KIF26B: variants seen among roughly 807,000 people sequenced by gnomAD.
KIF26B encodes the protein kinesin-like protein KIF26B.
Under a neutral mutation model 151.2 loss-of-function variants are expected in KIF26B, and 63 were observed. The ratio of observed to expected loss-of-function variants is 0.42; its 90% confidence interval spans 0.34 to 0.51. The LOEUF (loss-of-function observed/expected upper bound fraction) is 0.51, where lower values mean the gene tolerates loss of function less well. Among genes scored for constraint, KIF26B ranks in the 20% least tolerant of loss-of-function variants. KIF26B has a pLI of 0.07. For synonymous variants in KIF26B, 1,357 were observed against 1,262.1 expected (o/e 1.08, Z -1.59); for missense variants, 2,813 against 2,913.6 (o/e 0.97, Z 0.79).
chr1:245,345,935 C>CTT (rs773751148), intron 2 of KIF26B, among the ~76,000 whole-genome samples: 116 of 123,700 alleles, frequency 9.4e-4, no homozygotes, highest in African/African-American at 4.2e-3. Flanking sequence ...TTCTTTCTTT[C>CTT]TTTTTTTTTT....
Position 245,184,050 on chromosome 1 carries a change from G to GTTTTTTTTTTTTTTTTTTTTT in KIF26B, c.465+27386_465+27387insTTTTTTTTTTTTTTTTTTTTT, listed in dbSNP as rs758993117. On this transcript the variant is annotated intron_variant, in intron 2 of 14. Transcript: ENST00000407071. ...GCAACAGGTATGGGTGGGAGTTGTT[G>GTTTTTTTTTTTTTTTTTTTTT]TTTTTTTTTTTTTTTTTTTGAGCTT... Among the ~76,000 whole-genome samples the GTTTTTTTTTTTTTTTTTTTTT allele has an allele frequency of 7.2e-3, 143 of 19,780 alleles. 29 individuals are homozygous for GTTTTTTTTTTTTTTTTTTTTT. Among genetic ancestry groups the GTTTTTTTTTTTTTTTTTTTTT allele is most frequent in the East Asian group, 0.016 (9 of 578 alleles). 13.0% of individuals were successfully genotyped at this position (19,780 alleles called of 152,430 possible).
intron 10 of KIF26B, among the ~76,000 whole-genome samples, chr1:245,654,757 C>T (rs2044055661): frequency 6.6e-6 from 1 of 152,198 alleles, no homozygotes; most frequent in Non-Finnish European, 1.5e-5. Flanking sequence ...AGACAGCTTC[C>T]ATCTCCCGCC....
chr1:245,568,184 C>CAAAAAAAAAAAA (rs61494632), intron 5 of KIF26B, among the ~76,000 whole-genome samples: 1 of 28,674 alleles, frequency 3.5e-5, no homozygotes, highest in African/African-American at 1.3e-4. Flanking sequence ...AACTCCATCT[C>CAAAAAAAAAAAA]AAAAAAAAAA....
At chr1:245,653,902 A>T (rs2044046467) in intron 10 of KIF26B, among the ~76,000 whole-genome samples, 1 of 152,144 alleles carries the variant, frequency 6.6e-6, no homozygotes, top group South Asian at 2.1e-4. Flanking sequence ...TCCACAAAAA[A>T]AAATTAAAAC....
At position 245,612,012 on chromosome 1, in the gene KIF26B, G is replaced by A. The variant is rs190771092; in HGVS notation, c.2098+36G>A. 42 of 1,599,188 alleles carry A rather than the reference G, an allele frequency of 2.6e-5. No individual in the cohort carries two copies. The African/African-American group carries it at 3.6e-4, about 14-fold the overall frequency. The stretch of plus-strand genomic sequence containing the variant: ...CACTCCACCCTCCTGCCTCCTTAGC[G>A]GCTCTGGCCCCAGCCAGAAATCCCT... On this transcript the variant is annotated intron_variant, in intron 9 of 14. Coordinates refer to ENST00000407071, the MANE Select transcript of KIF26B (RefSeq NM_018012.4).
chr1:245,518,252 T>C (rs1010729892), intron 4 of KIF26B, among the ~76,000 whole-genome samples: 8 of 152,138 alleles, frequency 5.3e-5, no homozygotes, highest in Non-Finnish European at 8.8e-5. Flanking sequence ...TGATTAGTAA[T>C]AGATCACCTT....
At chr1:245,442,227 T>C (rs569447824) in intron 4 of KIF26B, among the ~76,000 whole-genome samples, 24 of 152,150 alleles carry the variant, frequency 1.6e-4, no homozygotes, top group Non-Finnish European at 2.4e-4. Flanking sequence ...TGGTAGCCTT[T>C]TTTCTGTTAC....
chr1:245,587,160 G>A (rs925044820), intron 5 of KIF26B, among the ~76,000 whole-genome samples: 12 of 152,206 alleles, frequency 7.9e-5, no homozygotes, highest in South Asian at 2.1e-4. Context: ...CACCTAGAGC[G>A]CACAGCTGAC....
At chr1:245,434,165 A>G (rs749934341) in intron 4 of KIF26B, among the ~76,000 whole-genome samples, 19 of 152,206 alleles carry the variant, frequency 1.2e-4, no homozygotes, top group Non-Finnish European at 2.4e-4. Flanking sequence ...AAAACAGAAT[A>G]TTTTGTAACA....
chr1:245,519,173 C>A (rs915472468), intron 4 of KIF26B, among the ~76,000 whole-genome samples: 3 of 152,036 alleles, frequency 2.0e-5, no homozygotes, highest in Admixed American at 6.6e-5. Context: ...AGAATATTTA[C>A]TATATTTAGT....
chr1:245,499,513 C>T (rs764469405), intron 4 of KIF26B, among the ~76,000 whole-genome samples: 5 of 152,122 alleles, frequency 3.3e-5, no homozygotes, highest in East Asian at 1.9e-4. Flanking sequence ...TTCCGGGACA[C>T]GTAAACTTGG....
At chr1:245,220,774 G>T (rs536183366) in intron 2 of KIF26B, among the ~76,000 whole-genome samples, 1 of 152,298 alleles carries the variant, frequency 6.6e-6, no homozygotes, top group African/African-American at 2.4e-5. Context: ...AATTCCAAGA[G>T]GATGGGGTGT....
chr1:245,684,464 C>A, intron 11 of KIF26B, 69 bp downstream of exon 11: 1 of 1,441,008 alleles, frequency 6.9e-7, no homozygotes, highest in South Asian at 1.4e-5. Context: ...GGAACAGAGT[C>A]AGAAAAAGCC....
intron 5 of KIF26B, among the ~76,000 whole-genome samples, chr1:245,556,203 C>A (rs1662020624): frequency 6.6e-6 from 1 of 152,054 alleles, no homozygotes; most frequent in East Asian, 1.9e-4. Flanking sequence ...GCACATCAAT[C>A]TCTTCTTCTT....
intron 2 of KIF26B, among the ~76,000 whole-genome samples, chr1:245,168,800 G>C (rs186581460): frequency 6.6e-6 from 1 of 152,100 alleles, no homozygotes; most frequent in Admixed American, 6.5e-5. Context: ...TTAATGCCCC[G>C]TAGTGTTTGA....
chr1:245,448,673 G>A (rs1338006613), intron 4 of KIF26B, among the ~76,000 whole-genome samples: 2 of 152,130 alleles, frequency 1.3e-5, no homozygotes, highest in Non-Finnish European at 2.9e-5. Context: ...CTTTCCACAT[G>A]GTGTGTTCTG....
At chr1:245,467,844 G>A (rs1165537308) in intron 4 of KIF26B, among the ~76,000 whole-genome samples, 1 of 151,852 alleles carries the variant, frequency 6.6e-6, no homozygotes, top group Admixed American at 6.6e-5. Context: ...GCAGTGAGCT[G>A]AGATCTTGCC....
chr1:245,179,504 G>A (rs1573691367), intron 2 of KIF26B, among the ~76,000 whole-genome samples: 1 of 152,034 alleles, frequency 6.6e-6, no homozygotes, highest in Non-Finnish European at 1.5e-5. Flanking sequence ...CGCGCCTGTA[G>A]TCCCAGCTAC....
Position 245,685,696 on chromosome 1 carries a change from C to A in KIF26B, c.2713C>A (p.Pro905Thr), listed in dbSNP as rs1412420749. ...ALQKTRGDSRPAEAGEAAAGK... is the reference protein window; with the variant it reads ...ALQKTRGDSRTAEAGEAAAGK... ...GCAGAAGACCCGGGGCGACAGCCGG[C>A]CCGCAGAGGCAGGAGAGGCTGCAGC... is the stretch of plus-strand genomic sequence containing the variant. The change falls in exon 12 of 15, where the codon CCC becomes ACC. Residue 905 changes from proline to threonine, a missense_variant. Pro to Thr is a conservative substitution (Grantham distance 38). Around this residue, in one of 3 missense-constraint regions of KIF26B, gnomAD observed 2,060 missense variants for 2,088.6 expected, o/e 0.99. Coordinates refer to ENST00000407071, the MANE Select transcript of KIF26B (RefSeq NM_018012.4). The A allele has an allele frequency of 6.2e-7, 1 of 1,612,852 alleles. No individual in the cohort carries two copies. The highest frequency in any genetic ancestry group is 8.5e-7 in the Non-Finnish European group (1 of 1,179,804).
Sources: gnomAD v4.1 joint callset for allele counts (sites outside exome capture counted in the v4.1 genomes callset) on GRCh38, gnomAD v4.1.1 for gene constraint, gnomAD v4.1.1 regional missense constraint, MANE v1.5 for transcripts, NCBI Gene and HGNC (gene_info 2026-07-23, HGNC 2026-07-21) for gene names.